Variants in EYS observed in about 807,000 individuals in gnomAD.
EYS encodes EGF-like photoreceptor maintenance factor.
EYS carries 250 observed loss-of-function variants against 282.1 expected under a neutral mutation model. The observed-to-expected ratio is 0.89, with a 90% CI of 0.80 to 0.98. The LOEUF is 0.98. Among genes scored for constraint, EYS ranks in the 50% least tolerant of loss-of-function variants. The pLI is 0.00. For synonymous variants in EYS, 1,355 were observed against 1,282.9 expected (o/e 1.06, Z -1.20); for missense variants, 4,016 against 3,709.0 (o/e 1.08, Z -2.15).
chr6:63,851,773 C>A (rs1216263036), intron 36 of EYS, among the ~76,000 whole-genome samples: 1 of 151,944 alleles, frequency 6.6e-6, no homozygotes, highest in East Asian at 1.9e-4. Context: ...AGAGAAGCAA[C>A]AGCAAACAAA....
chr6:64,353,305 T>C (rs1319549845), intron 29 of EYS, among the ~76,000 whole-genome samples: 1 of 151,578 alleles, frequency 6.6e-6, no homozygotes, highest in Admixed American at 6.6e-5. Flanking sequence ...GAGTTGAACA[T>C]TATACCTCAT....
intron 35 of EYS, among the ~76,000 whole-genome samples, chr6:63,908,695 C>T (rs1773844653): frequency 1.3e-5 from 2 of 152,112 alleles, no homozygotes. Context: ...AGGTTATCCG[C>T]CCTCCTACGC....
intron 13 of EYS, among the ~76,000 whole-genome samples, chr6:65,034,583 C>T (rs560173376): frequency 6.6e-6 from 1 of 152,146 alleles, no homozygotes; most frequent in South Asian, 2.1e-4. Flanking sequence ...ATATTGTTTG[C>T]TCCTGCTTTT....
At chr6:64,321,204 A>G (rs1472905610) in intron 29 of EYS, among the ~76,000 whole-genome samples, 1 of 151,712 alleles carries the variant, frequency 6.6e-6, no homozygotes, top group Non-Finnish European at 1.5e-5. Flanking sequence ...AATACTATGA[A>G]CACTTATTAA....
At chr6:64,659,682 C>A (rs1433881446) in intron 22 of EYS, among the ~76,000 whole-genome samples, 1 of 152,048 alleles carries the variant, frequency 6.6e-6, no homozygotes, top group Non-Finnish European at 1.5e-5. Context: ...CAAGACTAAA[C>A]CAGGAAGAAG....
At chr6:64,713,849 G>A (rs906957902) in intron 22 of EYS, among the ~76,000 whole-genome samples, 11 of 152,148 alleles carry the variant, frequency 7.2e-5, no homozygotes, top group African/African-American at 2.7e-4. Context: ...ATTCCTGGAA[G>A]GGGACTATCC....
chr6:64,174,415 TATAATA>T (rs1264922294), intron 31 of EYS, among the ~76,000 whole-genome samples: 1 of 152,062 alleles, frequency 6.6e-6, no homozygotes, highest in Non-Finnish European at 1.5e-5. Context: ...GAATGTTACT[TATAATA>T]GTAATACTTA....
intron 2 of EYS, among the ~76,000 whole-genome samples, chr6:65,555,678 C>G (rs1451405210): frequency 6.6e-6 from 1 of 152,070 alleles, no homozygotes; most frequent in Non-Finnish European, 1.5e-5. Context: ...ATTTTGTTGG[C>G]AAATTAATAA....
At chr6:64,719,264 T>C (rs1583076112) in intron 22 of EYS, among the ~76,000 whole-genome samples, 1 of 152,168 alleles carries the variant, frequency 6.6e-6, no homozygotes, top group African/African-American at 2.4e-5. Context: ...CAACCTGAAA[T>C]GGAGAAGCAA....
intron 12 of EYS, among the ~76,000 whole-genome samples, chr6:65,266,977 C>CATATAT (rs1308194470): frequency 0.035 from 4,947 of 143,226 alleles, 162 homozygotes; most frequent in African/African-American, 0.077. Context: ...CATACCTTGA[C>CATATAT]ATATATATAT....
intron 2 of EYS, among the ~76,000 whole-genome samples, chr6:65,618,437 T>C (rs1426834349): frequency 2.0e-5 from 3 of 152,272 alleles, no homozygotes; most frequent in African/African-American, 7.2e-5. Context: ...GAGTTCATTG[T>C]AGATTCTGGA....
chr6:65,697,695 A>AAT (rs5876982), intron 1 of EYS, among the ~76,000 whole-genome samples: 124,038 of 151,948 alleles, frequency 0.82, 50,734 homozygotes, highest in East Asian at 0.85. Flanking sequence ...AACTAATCTA[A>AAT]ATAGAAAGAG....
chr6:63,824,873 T>C (rs1771416828), intron 36 of EYS, among the ~76,000 whole-genome samples: 1 of 152,158 alleles, frequency 6.6e-6, no homozygotes, highest in Admixed American at 6.5e-5. Context: ...AGCTGAACTT[T>C]GTAACAACTT....
At chr6:64,541,616 C>T (rs1213939735) in intron 26 of EYS, among the ~76,000 whole-genome samples, 2 of 152,018 alleles carry the variant, frequency 1.3e-5, no homozygotes, top group African/African-American at 4.8e-5. Flanking sequence ...TATATTTTCC[C>T]TTCCCTTCCA....
intron 33 of EYS, among the ~76,000 whole-genome samples, chr6:64,048,485 G>A (rs1047536314): frequency 1.3e-5 from 2 of 152,106 alleles, no homozygotes; most frequent in African/African-American, 4.8e-5. Context: ...AGCTGGCCTA[G>A]AAAAGCTAAA....
intron 26 of EYS, among the ~76,000 whole-genome samples, chr6:64,475,577 A>G (rs1776238977): frequency 6.6e-6 from 1 of 151,400 alleles, no homozygotes; most frequent in Non-Finnish European, 1.5e-5. Context: ...AAAAAAAGAA[A>G]AGAAAAAATA....
At chr6:64,288,558 G>A (rs1348125547) in intron 30 of EYS, among the ~76,000 whole-genome samples, 1 of 152,130 alleles carries the variant, frequency 6.6e-6, no homozygotes, top group Non-Finnish European at 1.5e-5. Flanking sequence ...AGTTCAGTGA[G>A]ACTGAATCAT....
intron 31 of EYS, among the ~76,000 whole-genome samples, chr6:64,205,840 C>CAG (rs1765594021): frequency 6.6e-6 from 1 of 150,624 alleles, no homozygotes; most frequent in Non-Finnish European, 1.5e-5. Context: ...CACACACACA[C>CAG]ACACATATAT....
chr6:65,067,909 T>C (rs1052415266), intron 12 of EYS, among the ~76,000 whole-genome samples: 1 of 152,142 alleles, frequency 6.6e-6, no homozygotes, highest in Non-Finnish European at 1.5e-5. Flanking sequence ...GGGATATGCT[T>C]ATTAAAGAGG....
Sources: allele counts gnomAD v4.1 joint callset (sites outside exome capture counted in the v4.1 genomes callset), GRCh38; gene constraint gnomAD v4.1.1; transcripts MANE v1.5; gene names NCBI Gene and HGNC (gene_info 2026-07-23, HGNC 2026-07-21).